The following SLC10A7 variants were observed in gnomAD, a reference collection of about 807,000 sequenced individuals.
SLC10A7 encodes sodium/bile acid cotransporter 7.
A neutral mutation model predicts 43.2 loss-of-function variants in SLC10A7; 29 were observed. The observed-to-expected ratio is 0.67, with a 90% confidence interval of 0.50 to 0.92. The LOEUF (loss-of-function observed/expected upper bound fraction) is 0.92, where lower values mean the gene tolerates loss of function less well. Ranked by LOEUF, SLC10A7 falls within the 40% of genes least tolerant of loss-of-function variation. The probability of loss-of-function intolerance (pLI) is 0.00; values close to 1 mark genes in which losing one functional copy is unlikely to be tolerated. For missense variants in SLC10A7, 295 were observed against 403.2 expected (o/e 0.73, Z 2.30); for synonymous variants, 152 against 144.8 (o/e 1.05, Z -0.35).
Position 146,279,162 on chromosome 4 carries a change from C to T in SLC10A7, c.847+4030G>A, listed in dbSNP as rs1442640249. ...AGTCTTGCCATTGACTGCTAATAGTCAGCTGACATACTCTGAGGTTATGTG... is the reference window on the plus strand; with the variant it reads ...AGTCTTGCCATTGACTGCTAATAGTTAGCTGACATACTCTGAGGTTATGTG... On this transcript the variant is annotated intron_variant, in intron 10 of 11. Transcript: ENST00000335472. Among the ~76,000 whole-genome samples the T allele has an allele frequency of 2.6e-5, 4 of 152,106 alleles. No individual in the cohort carries two copies. In the East Asian group the frequency reaches 7.7e-4, roughly 29 times the overall value.
rs1484938954 is a variant in SLC10A7 at position 146,305,843 on chromosome 4, C to T, written c.555+83G>A. The T allele has an allele frequency of 3.3e-6, 4 of 1,203,226 alleles. No homozygotes were observed. The African/African-American group carries it at 4.7e-5, about 14-fold the overall frequency. The allele number at this position is 1,203,226 out of a possible 1,614,324, so 74.5% of individuals were successfully genotyped here. A position where few individuals can be genotyped will look rare whatever the true frequency, so the allele number is the denominator to read the frequency against. On this transcript the variant is annotated intron_variant, in intron 7 of 11. Coordinates refer to ENST00000335472, the MANE Select transcript of SLC10A7 (RefSeq NM_001029998.6). Reference sequence around the variant, plus strand: ...CATTTATCTCCTCCCTCTGAATATCCTTTCTCTCAACTGCTCTGACATTAT... The same window carrying T: ...CATTTATCTCCTCCCTCTGAATATCTTTTCTCTCAACTGCTCTGACATTAT...
At chr4:146,430,815 A>C (rs568035915) in intron 5 of SLC10A7, among the ~76,000 whole-genome samples, 1 of 152,158 alleles carries the variant, frequency 6.6e-6, no homozygotes, top group Non-Finnish European at 1.5e-5. Flanking sequence ...TGGTGCTTTG[A>C]CTTTCTAATT....
chr4:146,475,297 G>T (rs1389289645), intron 4 of SLC10A7, among the ~76,000 whole-genome samples: 4 of 151,972 alleles, frequency 2.6e-5, no homozygotes, highest in Admixed American at 2.6e-4. Context: ...TCTATCAGCT[G>T]TAGTTTCATT....
chr4:146,505,255 G>T (rs759482691), intron 3 of SLC10A7, among the ~76,000 whole-genome samples: 1 of 152,158 alleles, frequency 6.6e-6, no homozygotes, highest in Non-Finnish European at 1.5e-5. Context: ...TGACAAAAAT[G>T]AAGACCTGTA....
chr4:146,321,084 A>T (rs1243467143), intron 6 of SLC10A7, among the ~76,000 whole-genome samples: 2 of 152,118 alleles, frequency 1.3e-5, no homozygotes, highest in Non-Finnish European at 2.9e-5. Flanking sequence ...TTATGATATG[A>T]TAAAATAAGA....
chr4:146,266,975 T>G (rs962402710), intron 10 of SLC10A7, among the ~76,000 whole-genome samples: 1 of 152,190 alleles, frequency 6.6e-6, no homozygotes, highest in Non-Finnish European at 1.5e-5. Context: ...CTCTTCTAGG[T>G]GCAGTGAATA....
intron 5 of SLC10A7, among the ~76,000 whole-genome samples, chr4:146,413,425 G>A (rs1255866623): frequency 6.6e-6 from 1 of 152,094 alleles, no homozygotes. Flanking sequence ...AAGGCAATAT[G>A]TCCCTAAACC....
At chr4:146,405,530 T>C (rs1271686625) in intron 5 of SLC10A7, among the ~76,000 whole-genome samples, 2 of 152,186 alleles carry the variant, frequency 1.3e-5, no homozygotes, top group Non-Finnish European at 2.9e-5. Context: ...TGCTGTCAGC[T>C]TCATCCATGA....
At chr4:146,457,415 T>C (rs1044277655) in intron 4 of SLC10A7, among the ~76,000 whole-genome samples, 5 of 151,968 alleles carry the variant, frequency 3.3e-5, no homozygotes, top group African/African-American at 9.7e-5. Flanking sequence ...TATTTTTAAA[T>C]GTACAATTAA....
In SLC10A7 at chr4:146,348,148, C is replaced by A. The variant is rs182715668; in HGVS notation, c.436-22152G>T. ...AATTCAATGGATCCAGTGTTTACAACAAGGAGTAGTCACGTTATTTGAAAT... is the reference window on the plus strand; with the variant it reads ...AATTCAATGGATCCAGTGTTTACAAAAAGGAGTAGTCACGTTATTTGAAAT... On this transcript the variant is annotated intron_variant, in intron 5 of 11. Coordinates refer to ENST00000335472, the MANE Select transcript of SLC10A7 (RefSeq NM_001029998.6). Among the ~76,000 whole-genome samples the A allele has an allele frequency of 1.2e-3, 188 of 152,220 alleles. No homozygotes were observed. In the Middle Eastern group the frequency reaches 0.02, roughly 17 times the overall value.
chr4:146,445,978 A>G (rs1209076254), intron 4 of SLC10A7, among the ~76,000 whole-genome samples: 1 of 151,950 alleles, frequency 6.6e-6, no homozygotes, highest in Non-Finnish European at 1.5e-5. Flanking sequence ...TCATGGGCAC[A>G]GGATAGGGGG....
intron 3 of SLC10A7, among the ~76,000 whole-genome samples, chr4:146,504,611 AT>A (rs1736732923): frequency 6.6e-6 from 1 of 152,104 alleles, no homozygotes. Flanking sequence ...AAAGTGAAAA[AT>A]ATTTTCCCTA....
Position 146,305,997 on chromosome 4 carries a change from A to G in SLC10A7, c.484T>C (p.Ser162Pro), listed in dbSNP as rs1409854044. ...AAAATAGATGTGAAAGGCACAGAAG[A>G]AGATGAACCAAGCTGTAAAACAAGA... The part of the protein sequence containing the change: ...LLLLLFLGSS[S>P]SVPFTSIFSQ... The change falls in exon 7 of 12, where the codon TCT (serine) becomes CCT (proline). Residue 162 changes from serine (S) to proline (P), a missense_variant. By Grantham distance (74) the Ser-to-Pro change is moderately conservative. Around this residue, in one of 2 missense-constraint regions of SLC10A7, gnomAD observed 242 missense variants for 362.5 expected, o/e 0.67. Transcript: ENST00000335472. The G allele has an allele frequency of 6.2e-7, 1 of 1,606,560 alleles. No individual in the cohort carries two copies.
intron 6 of SLC10A7, among the ~76,000 whole-genome samples, chr4:146,311,714 C>T (rs1201479219): frequency 6.6e-6 from 1 of 152,098 alleles, no homozygotes; most frequent in East Asian, 1.9e-4. Context: ...TGCTCTATTT[C>T]CACCTCTCCA....
chr4:146,515,000 A>C, intron 2 of SLC10A7: 1 of 619,162 alleles, frequency 1.6e-6, no homozygotes, highest in South Asian at 1.9e-5. Flanking sequence ...ATTTCATTAG[A>C]TCCAAATTAG....
At chr4:146,288,286 C>T (rs1338236980) in intron 9 of SLC10A7, among the ~76,000 whole-genome samples, 1 of 152,232 alleles carries the variant, frequency 6.6e-6, no homozygotes, top group Admixed American at 6.5e-5. Context: ...TCACTTAACC[C>T]TCTCTTCAGG....
chr4:146,294,111 C>G lies in SLC10A7; in HGVS notation c.556-16G>C. 1.3e-6 allele frequency: 2 copies of G among 1,545,732 alleles called. No individual in the cohort carries two copies. Among genetic ancestry groups the G allele is most frequent in the Non-Finnish European group, 1.8e-6 (2 of 1,136,870 alleles). On this transcript the variant is annotated splice_polypyrimidine_tract_variant and intron_variant, in intron 7 of 11. Transcript: ENST00000335472. The stretch of plus-strand genomic sequence containing the variant: ...TTCGGACAATCTGAAATACAGAGAT[C>G]AACAGGTTGCCTCTTTTCAGAGATG...
chr4:146,388,182 G>T (rs1193609393), intron 5 of SLC10A7, among the ~76,000 whole-genome samples: 2 of 152,104 alleles, frequency 1.3e-5, no homozygotes, highest in Non-Finnish European at 2.9e-5. Flanking sequence ...ATATTACAAG[G>T]CTATATTAAC....
intron 5 of SLC10A7, among the ~76,000 whole-genome samples, chr4:146,375,231 C>T (rs552631637): frequency 5.9e-5 from 9 of 151,980 alleles, no homozygotes; most frequent in Non-Finnish European, 1.5e-5. Flanking sequence ...AAACAAAAAG[C>T]AAAACAAAAC....
Sources: allele counts gnomAD v4.1 joint callset (sites outside exome capture counted in the v4.1 genomes callset), GRCh38; gene constraint gnomAD v4.1.1; regional missense constraint gnomAD v4.1.1; transcripts MANE v1.5; gene names NCBI Gene and HGNC (gene_info 2026-07-23, HGNC 2026-07-21).